GRM7: variants seen among roughly 807,000 people sequenced by gnomAD.
GRM7 encodes metabotropic glutamate receptor 7.
GRM7 carries 35 observed loss-of-function variants against 84.5 expected under a neutral mutation model. That is an observed-to-expected ratio of 0.41 (90% CI 0.32 to 0.55). The LOEUF (loss-of-function observed/expected upper bound fraction) is 0.55. Among genes scored for constraint, GRM7 ranks in the 20% least tolerant of loss-of-function variants. The probability of loss-of-function intolerance (pLI) is 0.19; values close to 1 mark genes in which losing one functional copy is unlikely to be tolerated. For missense variants in GRM7, 1,003 were observed against 1,194.6 expected, an observed-to-expected ratio of 0.84 and a Z score of 2.36; for synonymous variants, 487 against 455.1, an observed-to-expected ratio of 1.07 and a Z score of -0.89.
intron 5 of GRM7, among the ~76,000 whole-genome samples, chr3:7,424,468 G>C (rs17655560): frequency 0.33 from 49,665 of 151,892 alleles, 9,372 homozygotes; most frequent in Non-Finnish European, 0.44. Flanking sequence ...CGTTATTCTA[G>C]TTGATCCCCA....
At chr3:7,518,230 A>C (rs1363400531) in intron 7 of GRM7, among the ~76,000 whole-genome samples, 1 of 152,198 alleles carries the variant, frequency 6.6e-6, no homozygotes, top group Non-Finnish European at 1.5e-5. Context: ...TTCAACTAGG[A>C]AGGCCTTGGC....
intron 2 of GRM7, among the ~76,000 whole-genome samples, chr3:7,289,144 A>G (rs1699531857): frequency 6.6e-6 from 1 of 152,148 alleles, no homozygotes; most frequent in Non-Finnish European, 1.5e-5. Flanking sequence ...ACCAGTGACA[A>G]TTGATTCTGA....
At chr3:7,299,599 A>G (rs1699928377) in intron 3 of GRM7, among the ~76,000 whole-genome samples, 1 of 152,210 alleles carries the variant, frequency 6.6e-6, no homozygotes, top group African/African-American at 2.4e-5. Context: ...TTTCTTGTAT[A>G]TCCTTGTGGA....
At chr3:7,564,125 G>C (rs549559461) in intron 7 of GRM7, among the ~76,000 whole-genome samples, 1 of 152,168 alleles carries the variant, frequency 6.6e-6, no homozygotes, top group Admixed American at 6.5e-5. Context: ...AAGAAGAAAA[G>C]GGTTTATGGG....
intron 1 of GRM7, among the ~76,000 whole-genome samples, chr3:7,005,332 C>A (rs1355249726): frequency 6.6e-6 from 1 of 152,160 alleles, no homozygotes. Context: ...CTATCCCCAG[C>A]TACCTGGGAT....
chr3:7,072,840 A>G (rs756167576), intron 1 of GRM7, among the ~76,000 whole-genome samples: 4 of 152,196 alleles, frequency 2.6e-5, no homozygotes, highest in Non-Finnish European at 4.4e-5. Context: ...GTAGGATTTT[A>G]AAATACATTT....
At chr3:7,394,792 C>A (rs776164013) in intron 4 of GRM7, among the ~76,000 whole-genome samples, 2 of 152,096 alleles carry the variant, frequency 1.3e-5, no homozygotes, top group African/African-American at 2.4e-5. Flanking sequence ...AATCCCAGCA[C>A]TTTGGGAGGC....
At chr3:7,725,098 A>G (rs965259859) in intron 9 of GRM7, among the ~76,000 whole-genome samples, 1 of 152,332 alleles carries the variant, frequency 6.6e-6, no homozygotes, top group East Asian at 1.9e-4. Context: ...CAGACAAGAA[A>G]ATACATTGAA....
chr3:7,133,190 T>G (rs962013683), intron 1 of GRM7, among the ~76,000 whole-genome samples: 1 of 152,118 alleles, frequency 6.6e-6, no homozygotes, highest in African/African-American at 2.4e-5. Flanking sequence ...GTTTGGCAAG[T>G]AGAAAGCAAA....
chr3:7,310,612 A>C (rs1220078997), intron 4 of GRM7, among the ~76,000 whole-genome samples: 1 of 152,204 alleles, frequency 6.6e-6, no homozygotes, highest in Non-Finnish European at 1.5e-5. Context: ...AGCAATGCGT[A>C]TGTCTTTTGG....
chr3:7,323,186 A>C (rs1700853637), intron 4 of GRM7, among the ~76,000 whole-genome samples: 1 of 152,174 alleles, frequency 6.6e-6, no homozygotes, highest in Admixed American at 6.6e-5. Flanking sequence ...AATGAGTTAT[A>C]AATAACTTTG....
chr3:7,636,050 G>A (rs913889282), intron 8 of GRM7, among the ~76,000 whole-genome samples: 1 of 152,114 alleles, frequency 6.6e-6, no homozygotes, highest in African/African-American at 2.4e-5. Flanking sequence ...TTGAAAATAT[G>A]TTATATTATC....
At chr3:7,655,709 C>T (rs1363385300) in intron 8 of GRM7, among the ~76,000 whole-genome samples, 7 of 152,248 alleles carry the variant, frequency 4.6e-5, no homozygotes, top group Admixed American at 6.5e-5. Flanking sequence ...GGCTCCTAGA[C>T]GCTGAGGGTT....
chr3:7,200,481 T>C (rs1278161082), intron 2 of GRM7, among the ~76,000 whole-genome samples: 2 of 152,224 alleles, frequency 1.3e-5, no homozygotes, highest in African/African-American at 2.4e-5. Context: ...TTCACTTAGA[T>C]TGGGGTGAAG....
At chr3:7,029,317 A>AAC (rs565655796) in intron 1 of GRM7, among the ~76,000 whole-genome samples, 19,232 of 125,736 alleles carry the variant, frequency 0.15, 1,336 homozygotes, top group East Asian at 0.28. Context: ...AAAAAAAACA[A>AAC]AAAAAAAAAA....
At chr3:7,651,388 C>T (rs967292024) in intron 8 of GRM7, among the ~76,000 whole-genome samples, 2 of 152,204 alleles carry the variant, frequency 1.3e-5, no homozygotes, top group African/African-American at 4.8e-5. Context: ...CAGTACCAGC[C>T]TCCCTGCTGT....
chr3:6,921,364 A>G (rs1280206666), intron 1 of GRM7, among the ~76,000 whole-genome samples: 1 of 152,182 alleles, frequency 6.6e-6, no homozygotes, highest in African/African-American at 2.4e-5. Context: ...ATAGTTTACC[A>G]TCTAATGCCG....
intron 1 of GRM7, among the ~76,000 whole-genome samples, chr3:6,882,973 G>A (rs1038935989): frequency 4.6e-5 from 7 of 152,142 alleles, no homozygotes; most frequent in African/African-American, 1.7e-4. Context: ...TTCAATTTGA[G>A]TACATATTGA....
intron 1 of GRM7, among the ~76,000 whole-genome samples, chr3:6,917,586 G>A (rs763383500): frequency 2.0e-5 from 3 of 151,338 alleles, no homozygotes; most frequent in African/African-American, 4.9e-5. Flanking sequence ...GAATGCAGAG[G>A]CACAAACAAA....
Sources: gnomAD v4.1 joint callset for allele counts (sites outside exome capture counted in the v4.1 genomes callset) on GRCh38, gnomAD v4.1.1 for gene constraint, MANE v1.5 for transcripts, NCBI Gene and HGNC (gene_info 2026-07-23, HGNC 2026-07-21) for gene names.